Variants in PCDHA6 observed in about 807,000 individuals in gnomAD.
PCDHA6 encodes protocadherin alpha 6.
In PCDHA6, 55 loss-of-function variants were observed where a neutral mutation model predicts 60.3. The ratio of observed to expected loss-of-function variants is 0.91; its 90% CI spans 0.73 to 1.14. The LOEUF (loss-of-function observed/expected upper bound fraction) is 1.14, where lower values mean the gene tolerates loss of function less well. Ranked by LOEUF, PCDHA6 falls within the 50% of genes most tolerant of loss-of-function variation. The pLI is 0.00. For missense variants in PCDHA6, 1,327 were observed against 1,256.5 expected (o/e 1.06, Z -0.85); for synonymous variants, 652 against 557.9 (o/e 1.17, Z -2.38).
chr5:140,897,409 A>G (rs945260120), intron 1 of PCDHA6, among the ~76,000 whole-genome samples: 16 of 140,532 alleles, frequency 1.1e-4, no homozygotes, highest in Non-Finnish European at 1.7e-4. Flanking sequence ...TCATTGTTCA[A>G]TTCCCATCTA....
intron 3 of PCDHA6, among the ~76,000 whole-genome samples, 199 bp downstream of exon 3, chr5:140,982,762 TAAC>T (rs1210027762): frequency 6.6e-6 from 1 of 152,130 alleles, no homozygotes; most frequent in Non-Finnish European, 1.5e-5. Context: ...TGAAAAAGGA[TAAC>T]AAGGAAAGTG....
intron 2 of PCDHA6, among the ~76,000 whole-genome samples, chr5:140,981,989 A>G (rs1343187322): frequency 2.0e-5 from 3 of 152,236 alleles, no homozygotes; most frequent in African/African-American, 4.8e-5. Flanking sequence ...AAAATAGAAA[A>G]TAAGGTTAAG....
At chr5:140,831,510 T>C (rs1180915101) in intron 1 of PCDHA6, among the ~76,000 whole-genome samples, 2 of 137,202 alleles carry the variant, frequency 1.5e-5, no homozygotes, top group East Asian at 4.2e-4. Flanking sequence ...AGCACCACCA[T>C]GCCCCCCACC....
intron 1 of PCDHA6, among the ~76,000 whole-genome samples, chr5:140,924,902 AAAATAAAATAAAAT>A (rs1442290811): frequency 5.1e-5 from 2 of 39,026 alleles, no homozygotes; most frequent in East Asian, 1.3e-3. Flanking sequence ...CTCAAAAAAA[AAAATAAAATAAAAT>A]AAAATAAAAT....
Position 140,942,409 on chromosome 5 carries a change from T to TA in PCDHA6, c.2395-36528dup, listed in dbSNP as rs78736997. On this transcript the variant is annotated intron_variant, in intron 1 of 3. Coordinates refer to ENST00000529310, the MANE Select transcript of PCDHA6 (RefSeq NM_018909.4). Reference sequence around the variant, plus strand: ...CCTGGGCGACAGATGAGACTCTGTTTAAAAAAAAAAAAGATATCTAACAAT... The same window carrying TA: ...CCTGGGCGACAGATGAGACTCTGTTTAAAAAAAAAAAAAGATATCTAACAAT... Among the ~76,000 whole-genome samples, 1,256 of 143,596 alleles carry TA rather than the reference T, an allele frequency of 8.7e-3. 8 individuals are homozygous for TA. Among genetic ancestry groups the TA allele is most frequent in the African/African-American group, 0.03 (1,168 of 39,342 alleles). 94.2% of individuals were successfully genotyped at this position (143,596 alleles called of 152,430 possible).
Position 140,848,909 on chromosome 5 carries a change from G to T in PCDHA6, c.2394+18424G>T, listed in dbSNP as rs2150424301. 6.2e-5 allele frequency: 99 copies of T among 1,608,232 alleles called. No individual in the cohort carries two copies. The African/African-American group carries it at 1.2e-3, about 19-fold the overall frequency. ...CTCCAGTGTTCCCAGCGACACAAAA[G>T]AATCTGTTCATCGCGGAATCCAGGC... On this transcript the variant is annotated intron_variant, in intron 1 of 3. Transcript: ENST00000529310.
intron 1 of PCDHA6, among the ~76,000 whole-genome samples, chr5:140,959,366 C>A (rs1257331462): frequency 1.3e-5 from 2 of 151,552 alleles, no homozygotes; most frequent in African/African-American, 4.8e-5. Flanking sequence ...TGAGTGAGAC[C>A]CTGTCTCAAA....
chr5:140,979,145 G>A, intron 2 of PCDHA6, 138 bp downstream of exon 2: 1 of 1,447,220 alleles, frequency 6.9e-7, no homozygotes, highest in Non-Finnish European at 9.1e-7. Context: ...CAATTATTTT[G>A]TCCCCATGTT....
intron 1 of PCDHA6, among the ~76,000 whole-genome samples, chr5:140,915,400 T>C (rs1554196884): frequency 6.6e-6 from 1 of 152,224 alleles, no homozygotes; most frequent in East Asian, 1.9e-4. Context: ...GTATTTCTTA[T>C]AGTCTTTGCA....
Position 141,010,424 on chromosome 5 carries a change from C to A in PCDHA6, c.*487C>A. ...CTTAGACTAATTGGTACAAGGAAGGCAAGAAAACAAAGACAAATAAACAGC... is the reference window on the plus strand; with the variant it reads ...CTTAGACTAATTGGTACAAGGAAGGAAAGAAAACAAAGACAAATAAACAGC... On this transcript the variant is annotated 3_prime_UTR_variant, in exon 4 of 4. Transcript: ENST00000529310. The A allele has an allele frequency of 9.0e-7, 1 of 1,113,698 alleles. No homozygotes were observed. The highest frequency in any genetic ancestry group is 1.2e-6 in the Non-Finnish European group (1 of 808,116). 69.0% of individuals were successfully genotyped at this position (1,113,698 alleles called of 1,614,324 possible). A position where few individuals can be genotyped will look rare whatever the true frequency, so the allele number is the denominator to read the frequency against.
chr5:140,929,163 G>T lies in PCDHA6; in HGVS notation c.2395-49786G>T, dbSNP rs142058597. On this transcript the variant is annotated intron_variant, in intron 1 of 3. Coordinates refer to ENST00000529310, the MANE Select transcript of PCDHA6 (RefSeq NM_018909.4). ...GACTTTCTCAGACTTATCTCTATCG[G>T]GCCTCTCTGGGACTTGGTTCTGATA... 2.4e-4 allele frequency: 385 copies of T among 1,614,058 alleles called. 2 individuals carry two copies. In the African/African-American group the frequency reaches 4.5e-3, roughly 19 times the overall value.
intron 1 of PCDHA6, among the ~76,000 whole-genome samples, chr5:140,964,472 T>C (rs1160731930): frequency 6.6e-6 from 1 of 152,074 alleles, no homozygotes; most frequent in Non-Finnish European, 1.5e-5. Context: ...GTGCCTATGA[T>C]TTTTTCACAG....
chr5:140,841,977 A>C (rs2150326708), intron 1 of PCDHA6: 127 of 1,613,770 alleles, frequency 7.9e-5, no homozygotes, highest in Non-Finnish European at 1.1e-4. Flanking sequence ...GATGGGGGCA[A>C]ACCTGAGCTC....
chr5:140,998,059 C>T (rs1471709750), intron 3 of PCDHA6, among the ~76,000 whole-genome samples: 1 of 152,154 alleles, frequency 6.6e-6, no homozygotes, highest in East Asian at 1.9e-4. Context: ...ACATCATCAT[C>T]AACAGACTTA....
In PCDHA6 at chr5:140,857,513, G is replaced by T. The variant is rs781950263; in HGVS notation, c.2394+27028G>T. 3 of 1,598,208 alleles carry T rather than the reference G, an allele frequency of 1.9e-6. No individual in the cohort carries two copies. In the South Asian group the frequency reaches 3.3e-5, roughly 18 times the overall value. On this transcript the variant is annotated intron_variant, in intron 1 of 3. Transcript: ENST00000529310. ...CGCGGACGCGCAGGAGAACGCCCTG[G>T]TGTCCTACTCTCTGGTGGAGCGGCG...
In PCDHA6 at chr5:140,851,734, A is replaced by G. The variant is rs2042144947; in HGVS notation, c.2394+21249A>G. 4.1e-6 allele frequency: 4 copies of G among 971,568 alleles called. 1 individual carries two copies. In the South Asian group the frequency reaches 1.9e-4, roughly 46 times the overall value. 60.2% of individuals were successfully genotyped at this position (971,568 alleles called of 1,614,324 possible). On this transcript the variant is annotated intron_variant, in intron 1 of 3. Coordinates refer to ENST00000529310, the MANE Select transcript of PCDHA6 (RefSeq NM_018909.4). ...AGATTCGAAACTTCGAGTTCTTTTG[A>G]AATTCAGAGTCTGTAACTTAAAACA...
At chr5:140,891,034 G>A (rs1377509789) in intron 1 of PCDHA6, among the ~76,000 whole-genome samples, 1 of 151,488 alleles carries the variant, frequency 6.6e-6, no homozygotes, top group Non-Finnish European at 1.5e-5. Context: ...ATAATCTTAG[G>A]TGTGACCCCC....
intron 1 of PCDHA6, chr5:140,835,703 C>A (rs2150242433): frequency 6.2e-6 from 10 of 1,613,784 alleles, no homozygotes; most frequent in Middle Eastern, 1.6e-4. Context: ...CCACTGCTAG[C>A]GTGTCCGTGG....
chr5:140,995,086 T>C (rs1182368049), intron 3 of PCDHA6, among the ~76,000 whole-genome samples: 2 of 152,246 alleles, frequency 1.3e-5, no homozygotes, highest in African/African-American at 4.8e-5. Context: ...TCCAAACTTA[T>C]CTGTGGAGAT....
Sources: gnomAD v4.1 joint callset for allele counts (sites outside exome capture counted in the v4.1 genomes callset) on GRCh38, gnomAD v4.1.1 for gene constraint, MANE v1.5 for transcripts, NCBI Gene and HGNC (gene_info 2026-07-23, HGNC 2026-07-21) for gene names.